Variants in CNTN5 observed in about 807,000 individuals in gnomAD.
CNTN5 encodes the protein contactin-5.
Under a neutral mutation model 129.1 loss-of-function variants are expected in CNTN5, and 77 were observed. The ratio of observed to expected loss-of-function variants is 0.60; its 90% CI spans 0.50 to 0.72. The LOEUF (loss-of-function observed/expected upper bound fraction) is 0.72, where lower values mean the gene tolerates loss of function less well. Ranked by LOEUF, CNTN5 falls within the 30% of genes least tolerant of loss-of-function variation. The pLI, the probability that CNTN5 is intolerant of heterozygous loss-of-function variation, is 0.00. For missense variants in CNTN5, 1,478 were observed against 1,328.8 expected (o/e 1.11, Z -1.75); for synonymous variants, 509 against 465.6 (o/e 1.09, Z -1.20).
chr11:99,823,885 G>A (rs1008988852), intron 4 of CNTN5, among the ~76,000 whole-genome samples: 4 of 151,926 alleles, frequency 2.6e-5, no homozygotes, highest in Admixed American at 6.6e-5. Context: ...TAAAGTACAT[G>A]TACTGTTCTT....
At chr11:99,045,243 C>A (rs1864160308) in intron 1 of CNTN5, among the ~76,000 whole-genome samples, 1 of 152,128 alleles carries the variant, frequency 6.6e-6, no homozygotes, top group Non-Finnish European at 1.5e-5. Flanking sequence ...CTTTTGATTT[C>A]AATTACAAGT....
intron 1 of CNTN5, among the ~76,000 whole-genome samples, chr11:99,315,454 C>T (rs1865299881): frequency 6.7e-6 from 1 of 149,316 alleles, no homozygotes; most frequent in Non-Finnish European, 1.5e-5. Flanking sequence ...GTGAGGAAAG[C>T]ACCAGGTTGA....
rs149154683 is a variant in CNTN5 at position 100,164,964 on chromosome 11, A to T, written c.1581-26162A>T. On this transcript the variant is annotated intron_variant, in intron 13 of 24. Coordinates refer to ENST00000524871, the MANE Select transcript of CNTN5 (RefSeq NM_014361.4). ...AAACCATAAAATATTGTATAAATGT[A>T]TATTTTTTACTTATTTTTTAAGCAG... Among the ~76,000 whole-genome samples, 533 of 151,912 alleles carry T rather than the reference A, an allele frequency of 3.5e-3. 3 individuals carry two copies. Among genetic ancestry groups the T allele is most frequent in the African/African-American group, 0.012 (506 of 41,488 alleles).
At chr11:99,621,194 A>T (rs1391640406) in intron 3 of CNTN5, among the ~76,000 whole-genome samples, 1 of 152,168 alleles carries the variant, frequency 6.6e-6, no homozygotes, top group Non-Finnish European at 1.5e-5. Flanking sequence ...GTGATGAAAG[A>T]CTACCCAAAA....
At chr11:99,589,735 G>T (rs896963010) in intron 3 of CNTN5, among the ~76,000 whole-genome samples, 2 of 152,114 alleles carry the variant, frequency 1.3e-5, no homozygotes, top group Non-Finnish European at 2.9e-5. Context: ...AAAGTTAATG[G>T]CTATTATCAG....
intron 15 of CNTN5, among the ~76,000 whole-genome samples, chr11:100,202,503 T>C (rs1948805302): frequency 6.6e-6 from 1 of 150,896 alleles, no homozygotes; most frequent in Non-Finnish European, 1.5e-5. Flanking sequence ...CTCCTGCCCC[T>C]TTGCCAGAAA....
intron 4 of CNTN5, among the ~76,000 whole-genome samples, chr11:99,841,900 T>A (rs1430030528): frequency 1.3e-5 from 2 of 149,032 alleles, no homozygotes; most frequent in Non-Finnish European, 3.0e-5. Flanking sequence ...ATATATATTT[T>A]TTTTTTATGG....
intron 3 of CNTN5, among the ~76,000 whole-genome samples, chr11:99,716,703 A>G (rs113921962): frequency 6.6e-4 from 100 of 152,200 alleles, no homozygotes; most frequent in African/African-American, 2.3e-3. Flanking sequence ...GTATGGGGGT[A>G]AGGATAGAGC....
chr11:99,032,075 G>A (rs1039478506), intron 1 of CNTN5, among the ~76,000 whole-genome samples: 7 of 151,800 alleles, frequency 4.6e-5, no homozygotes, highest in African/African-American at 9.7e-5. Context: ...TTTCATCCAC[G>A]TCCCTAAAAA....
At chr11:99,629,294 C>T (rs1036103162) in intron 3 of CNTN5, among the ~76,000 whole-genome samples, 3 of 152,000 alleles carry the variant, frequency 2.0e-5, no homozygotes, top group Non-Finnish European at 2.9e-5. Flanking sequence ...TAATTTAAAA[C>T]AATGATATTT....
At chr11:99,444,683 G>A (rs1041560689) in intron 2 of CNTN5, among the ~76,000 whole-genome samples, 2 of 152,002 alleles carry the variant, frequency 1.3e-5, no homozygotes, top group Admixed American at 6.6e-5. Flanking sequence ...AAGTTTGAGT[G>A]TAGTATAGAT....
chr11:99,074,942 T>C (rs560811479), intron 1 of CNTN5, among the ~76,000 whole-genome samples: 5 of 152,180 alleles, frequency 3.3e-5, no homozygotes, highest in Non-Finnish European at 7.3e-5. Flanking sequence ...ACATGCCGCA[T>C]TGAAAAATAG....
chr11:99,590,307 G>T (rs1949937329), intron 3 of CNTN5, among the ~76,000 whole-genome samples: 1 of 152,186 alleles, frequency 6.6e-6, no homozygotes, highest in South Asian at 2.1e-4. Flanking sequence ...AAAAGCATGA[G>T]TGATGTCAGA....
intron 2 of CNTN5, among the ~76,000 whole-genome samples, chr11:99,526,788 CA>C (rs1015473771): frequency 1.8e-4 from 28 of 152,158 alleles, no homozygotes; most frequent in African/African-American, 6.5e-4. Flanking sequence ...CATTTGTTTT[CA>C]TTTGAGAGTG....
chr11:99,065,696 C>A (rs984720158), intron 1 of CNTN5, among the ~76,000 whole-genome samples: 1 of 151,508 alleles, frequency 6.6e-6, no homozygotes, highest in Non-Finnish European at 1.5e-5. Flanking sequence ...GAAACCATAC[C>A]ACCTACACAT....
At chr11:99,437,603 G>A (rs1029342879) in intron 2 of CNTN5, among the ~76,000 whole-genome samples, 4 of 152,106 alleles carry the variant, frequency 2.6e-5, no homozygotes, top group African/African-American at 9.7e-5. Flanking sequence ...TGAGGCGGGT[G>A]GATCACCTGA....
chr11:100,056,851 A>G (rs1423981422), intron 9 of CNTN5, among the ~76,000 whole-genome samples: 3 of 151,764 alleles, frequency 2.0e-5, no homozygotes, highest in Non-Finnish European at 4.4e-5. Flanking sequence ...ATTCCATAGG[A>G]GGTAAACTGT....
intron 1 of CNTN5, among the ~76,000 whole-genome samples, chr11:99,146,076 T>A (rs1176665822): frequency 1.3e-5 from 2 of 152,134 alleles, no homozygotes; most frequent in Non-Finnish European, 2.9e-5. Flanking sequence ...GCATATTAAA[T>A]CTTAACTCAT....
intron 1 of CNTN5, among the ~76,000 whole-genome samples, chr11:99,093,964 A>G (rs1456912456): frequency 6.6e-6 from 1 of 152,032 alleles, no homozygotes; most frequent in African/African-American, 2.4e-5. Context: ...GCATTTGGAA[A>G]TAACATATTG....
Sources: allele counts gnomAD v4.1 joint callset (sites outside exome capture counted in the v4.1 genomes callset), GRCh38; gene constraint gnomAD v4.1.1; transcripts MANE v1.5; gene names NCBI Gene and HGNC (gene_info 2026-07-23, HGNC 2026-07-21).